The following SRFBP1 variants were observed in gnomAD, a reference collection of about 807,000 sequenced individuals.
The protein encoded by SRFBP1 is serum response factor-binding protein 1.
SRFBP1 carries 47 observed loss-of-function variants against 45.5 expected under a neutral mutation model. The observed-to-expected ratio is 1.03, with a 90% CI of 0.82 to 1.32. The LOEUF (loss-of-function observed/expected upper bound fraction) is 1.32, where lower values mean the gene tolerates loss of function less well. Among genes scored for constraint, SRFBP1 ranks in the 40% most tolerant of loss-of-function variants. SRFBP1 has a pLI of 0.00. For synonymous variants in SRFBP1, 203 were observed against 166.3 expected, an observed-to-expected ratio of 1.22 and a Z score of -1.70; for missense variants, 621 against 484.6, an observed-to-expected ratio of 1.28 and a Z score of -2.64.
rs781764358 is a variant in SRFBP1 at position 121,962,000 on chromosome 5, C to T, written c.-33C>T. On this transcript the variant is annotated 5_prime_UTR_variant, in exon 1 of 8. Coordinates refer to ENST00000339397, the MANE Select transcript of SRFBP1 (RefSeq NM_152546.3). ...GCGGTCTGAGAGACCGGTTCACGTGCAGGCAGCGGCGGATCATATTCCTTC... is the reference window on the plus strand; with the variant it reads ...GCGGTCTGAGAGACCGGTTCACGTGTAGGCAGCGGCGGATCATATTCCTTC... The T allele has an allele frequency of 6.2e-7, 1 of 1,613,472 alleles. No individual in the cohort carries two copies.
intron 3 of SRFBP1, among the ~76,000 whole-genome samples, chr5:121,988,684 C>T (rs952885057): frequency 6.6e-6 from 1 of 152,196 alleles, no homozygotes; most frequent in African/African-American, 2.4e-5. Flanking sequence ...AAAGTGAAAA[C>T]ACATTAACCG....
intron 7 of SRFBP1, among the ~76,000 whole-genome samples, chr5:122,023,197 G>A (rs1355085240): frequency 6.6e-6 from 1 of 152,186 alleles, no homozygotes. Context: ...GAGAAAAGAG[G>A]AAGTGGAATT....
intron 4 of SRFBP1, among the ~76,000 whole-genome samples, chr5:122,013,696 CTT>C (rs1362202699): frequency 6.6e-6 from 1 of 152,120 alleles, no homozygotes; most frequent in Admixed American, 6.6e-5. Flanking sequence ...ATTTTAATGA[CTT>C]AACTGTTTTT....
chr5:122,077,441 G>C (rs1261420416), downstream of SRFBP1: 1 of 1,614,152 alleles, frequency 6.2e-7, no homozygotes, highest in Non-Finnish European at 8.5e-7. This position sits in a 1 kb window ranked among gnomAD's most constrained non-coding sequence, Gnocchi z 4.9. Flanking sequence ...GTTGTAATAA[G>C]GGTTGTCGTC....
intron 4 of SRFBP1, among the ~76,000 whole-genome samples, chr5:122,011,784 G>A (rs1473228471): frequency 6.6e-6 from 1 of 152,110 alleles, no homozygotes; most frequent in East Asian, 1.9e-4. Context: ...AGAGAGAAAT[G>A]AGGAGGGAAA....
chr5:122,017,658 T>G (rs933282118), intron 4 of SRFBP1, among the ~76,000 whole-genome samples: 2 of 152,204 alleles, frequency 1.3e-5, no homozygotes, highest in African/African-American at 4.8e-5. Context: ...GCACCAGGTG[T>G]AATTTAAATA....
At chr5:122,077,164 A>G (rs970055786), downstream of SRFBP1, 15 of 1,465,424 alleles carry the variant, frequency 1.0e-5, no homozygotes, top group African/African-American at 2.1e-4. This position sits in a 1 kb window ranked among gnomAD's most constrained non-coding sequence, Gnocchi z 4.9. Context: ...ACTGCAAAGC[A>G]ATGTGAAAAG....
chr5:121,995,821 T>G (rs1347067954), intron 4 of SRFBP1, among the ~76,000 whole-genome samples: 11 of 151,302 alleles, frequency 7.3e-5, no homozygotes, highest in Admixed American at 7.2e-4. Context: ...TAAAAAATGA[T>G]AAAGGGGATA....
At chr5:122,008,813 G>A (rs1223215489) in intron 4 of SRFBP1, among the ~76,000 whole-genome samples, 1 of 151,984 alleles carries the variant, frequency 6.6e-6, no homozygotes, top group Non-Finnish European at 1.5e-5. Flanking sequence ...GAGTTACTTG[G>A]TTATGGAATA....
chr5:122,073,867 T>C (rs1038598847), intron 2 of SRFBP1: 2 of 695,766 alleles, frequency 2.9e-6, no homozygotes, highest in Non-Finnish European at 4.9e-6. Context: ...GGGTATATCA[T>C]CTACAGTTTT....
chr5:122,021,036 G>A (rs939801330), intron 6 of SRFBP1, among the ~76,000 whole-genome samples: 7 of 152,150 alleles, frequency 4.6e-5, no homozygotes, highest in Admixed American at 4.6e-4. Context: ...TAATATGCCA[G>A]CTAATTTAAA....
At chr5:122,011,044 C>G (rs757501961) in intron 4 of SRFBP1, among the ~76,000 whole-genome samples, 2 of 151,984 alleles carry the variant, frequency 1.3e-5, no homozygotes, top group Non-Finnish European at 2.9e-5. Flanking sequence ...TTGATAAGTA[C>G]AAATATGAAT....
chr5:122,018,004 T>G (rs1467910951), intron 4 of SRFBP1, among the ~76,000 whole-genome samples: 4 of 152,218 alleles, frequency 2.6e-5, no homozygotes, highest in Non-Finnish European at 4.4e-5. Flanking sequence ...TACACTGCCA[T>G]GCAGTGGTAA....
chr5:122,065,674 T>C (rs1016336170), intron 2 of SRFBP1: 23 of 152,082 alleles, frequency 1.5e-4, no homozygotes, highest in African/African-American at 5.6e-4. Flanking sequence ...TTCTAGATAA[T>C]ATAAAATTTT....
chr5:122,017,417 G>A (rs1007700577), intron 4 of SRFBP1, among the ~76,000 whole-genome samples: 1 of 152,078 alleles, frequency 6.6e-6, no homozygotes, highest in Non-Finnish European at 1.5e-5. Context: ...AGTCTTTACT[G>A]TGTCTCTCTG....
At chr5:122,024,663 A>G (rs560138557) in intron 7 of SRFBP1, among the ~76,000 whole-genome samples, 1 of 152,336 alleles carries the variant, frequency 6.6e-6, no homozygotes, top group East Asian at 1.9e-4. Flanking sequence ...TTCTGATTGT[A>G]TGCCTAAAAG....
Position 121,962,152 on chromosome 5 carries a change from G to C in SRFBP1, c.36+84G>C, listed in dbSNP as rs188850335. ...AGACGCGTGGTCGGAGGCGGGCATA[G>C]AGGGTGCGGTTGGAGGAACTTTCGT... On this transcript the variant is annotated intron_variant, in intron 1 of 7. Transcript: ENST00000339397. 237 of 1,564,352 alleles carry C rather than the reference G, an allele frequency of 1.5e-4. No homozygotes were observed. The African/African-American group carries it at 3.0e-3, about 20-fold the overall frequency.
At chr5:122,031,749 C>G (rs1047763132), downstream of SRFBP1, among the ~76,000 whole-genome samples, 1 of 152,288 alleles carries the variant, frequency 6.6e-6, no homozygotes, top group South Asian at 2.1e-4. Flanking sequence ...TATCCATCAT[C>G]TGATGATGAG....
chr5:122,011,258 C>A (rs528361597), intron 4 of SRFBP1, among the ~76,000 whole-genome samples: 5 of 152,170 alleles, frequency 3.3e-5, no homozygotes, highest in African/African-American at 1.2e-4. Context: ...ACAATAAATA[C>A]CCATATACCC....
Sources: allele counts gnomAD v4.1 joint callset (sites outside exome capture counted in the v4.1 genomes callset), GRCh38; gene constraint gnomAD v4.1.1; non-coding constraint Gnocchi (gnomAD v3.1); transcripts MANE v1.5; gene names NCBI Gene and HGNC (gene_info 2026-07-23, HGNC 2026-07-21).